RALGAPA2: variants seen among roughly 807,000 people sequenced by gnomAD.
The protein encoded by RALGAPA2 is ral GTPase-activating protein subunit alpha-2.
In RALGAPA2, 139 loss-of-function variants were observed where a neutral mutation model predicts 230.4. That is an observed-to-expected ratio of 0.60 (90% CI 0.53 to 0.69). The LOEUF is 0.69. Ranked by LOEUF, RALGAPA2 falls within the 30% of genes least tolerant of loss-of-function variation. The probability of loss-of-function intolerance (pLI) is 0.00; values close to 1 mark genes in which losing one functional copy is unlikely to be tolerated. For synonymous variants in RALGAPA2, 847 were observed against 837.8 expected (o/e 1.01, Z -0.19); for missense variants, 2,163 against 2,276.0 (o/e 0.95, Z 1.01).
intron 24 of RALGAPA2, among the ~76,000 whole-genome samples, chr20:20,537,267 T>G (rs1262063009): frequency 6.6e-6 from 1 of 152,176 alleles, no homozygotes; most frequent in Non-Finnish European, 1.5e-5. Flanking sequence ...AATGAGATAC[T>G]ATATCACTAT....
rs746862945 is a variant in RALGAPA2 at position 20,512,697 on chromosome 20, T to G, written c.4672A>C (p.Lys1558Gln). ...CGCAAAATGACCTCAATGATTTCCT[T>G]CTCTTGGTCATAGTTCATGCCACAT... ...TPCGMNYDQEKEIIEVILRQN... is the reference protein window; with the variant it reads ...TPCGMNYDQEQEIIEVILRQN... Residue 1558 changes from lysine (K) to glutamine (Q), a missense_variant, in exon 32 of 40, where the codon AAG (lysine) becomes CAG (glutamine). Lys to Gln is a moderately conservative substitution (Grantham distance 53, BLOSUM62 1). Transcript: ENST00000202677. 1.2e-6 allele frequency: 2 copies of G among 1,614,002 alleles called. No individual in the cohort carries two copies. The highest frequency in any genetic ancestry group is 1.7e-6 in the Non-Finnish European group (2 of 1,179,886).
chr20:20,513,436 T>G (rs1251779854), intron 31 of RALGAPA2, among the ~76,000 whole-genome samples, 152 bp from the exon 32 acceptor site: 1 of 151,912 alleles, frequency 6.6e-6, no homozygotes, highest in Non-Finnish European at 1.5e-5. Context: ...AGCAAGATAG[T>G]GCAAAAAGAT....
At chr20:20,453,996 T>C (rs1486830726) in intron 37 of RALGAPA2, among the ~76,000 whole-genome samples, 1 of 152,208 alleles carries the variant, frequency 6.6e-6, no homozygotes, top group Non-Finnish European at 1.5e-5. Context: ...CAGCAAGAAA[T>C]GCACCTTGCA....
chr20:20,455,308 C>T (rs548724101), intron 37 of RALGAPA2, among the ~76,000 whole-genome samples: 2 of 152,356 alleles, frequency 1.3e-5, no homozygotes, highest in South Asian at 2.1e-4. Flanking sequence ...GCTCAAGTAT[C>T]GATCTGCTCT....
intron 16 of RALGAPA2, among the ~76,000 whole-genome samples, chr20:20,598,090 A>T (rs914295613): frequency 6.6e-6 from 1 of 152,226 alleles, no homozygotes; most frequent in Non-Finnish European, 1.5e-5. Flanking sequence ...CTGTGTGTAA[A>T]TCACACATGG....
rs77655079 is a variant in RALGAPA2 at position 20,502,611 on chromosome 20, C to T, written c.5208+740G>A. Reference sequence around the variant, plus strand: ...GGCTATAACCACCACAGTAGACTCCCCAGTGGCCAGCTTTGGTCAGCACGT... The same window carrying T: ...GGCTATAACCACCACAGTAGACTCCTCAGTGGCCAGCTTTGGTCAGCACGT... On this transcript the variant is annotated intron_variant, in intron 35 of 39. Transcript: ENST00000202677. Among the ~76,000 whole-genome samples the T allele has an allele frequency of 6.7e-3, 1,024 of 152,304 alleles. 11 individuals carry two copies. Among genetic ancestry groups the T allele is most frequent in the African/African-American group, 0.023 (975 of 41,562 alleles).
At chr20:20,473,444 T>A (rs2061582203) in intron 36 of RALGAPA2, among the ~76,000 whole-genome samples, 1 of 152,148 alleles carries the variant, frequency 6.6e-6, no homozygotes, top group African/African-American at 2.4e-5. Context: ...CTTCTCGACC[T>A]TTTCCCCCTC....
rs576792974 is a variant in RALGAPA2, at chr20:20,712,603, TGCCGCCGCCGCCGCC to T, written c.-138_-124del. ...CACTCGCCGCCCCCAGCCCCGCTGC[TGCCGCCGCCGCCGCC>T]GCCGCCGCCGCCTCAGCTGTGTCTC... On this transcript the variant is annotated 5_prime_UTR_variant, in exon 1 of 40. Coordinates refer to ENST00000202677, the MANE Select transcript of RALGAPA2 (RefSeq NM_020343.4). This position sits in a 1 kb window ranked among gnomAD's most constrained non-coding sequence, Gnocchi z 5.5. 8 of 1,179,258 alleles carry T rather than the reference TGCCGCCGCCGCCGCC, an allele frequency of 6.8e-6. No individual in the cohort carries two copies. Among genetic ancestry groups the T allele is most frequent in the Non-Finnish European group, 8.5e-6 (8 of 944,384 alleles). 73.0% of individuals were successfully genotyped at this position (1,179,258 alleles called of 1,614,324 possible).
At chr20:20,566,825 A>T (rs2064442634) in intron 23 of RALGAPA2, among the ~76,000 whole-genome samples, 1 of 152,218 alleles carries the variant, frequency 6.6e-6, no homozygotes. Flanking sequence ...ACACTTTATC[A>T]CACTCTATTA....
intron 3 of RALGAPA2, among the ~76,000 whole-genome samples, chr20:20,673,673 G>A (rs553040892): frequency 6.6e-6 from 1 of 152,074 alleles, no homozygotes; most frequent in African/African-American, 2.4e-5. Context: ...AGTAAAAAAA[G>A]CACCCCAGTT....
At chr20:20,652,045 T>C (rs934820455) in intron 4 of RALGAPA2, among the ~76,000 whole-genome samples, 4 of 152,250 alleles carry the variant, frequency 2.6e-5, no homozygotes, top group African/African-American at 9.6e-5. Context: ...ATTTGAAATA[T>C]TTAAAGATAA....
chr20:20,511,168 G>A (rs1356889307), intron 33 of RALGAPA2, 86 bp downstream of exon 33: 4 of 1,522,984 alleles, frequency 2.6e-6, no homozygotes, highest in Non-Finnish European at 3.5e-6. Flanking sequence ...GTCTCAGTAA[G>A]TCTATTCATT....
chr20:20,647,233 A>G (rs977841680), intron 4 of RALGAPA2, among the ~76,000 whole-genome samples: 5 of 152,182 alleles, frequency 3.3e-5, no homozygotes, highest in African/African-American at 1.2e-4. Context: ...TTTCTTATTT[A>G]GTTTTAATTT....
chr20:20,452,406 T>C (rs2061007269), intron 37 of RALGAPA2, among the ~76,000 whole-genome samples: 1 of 152,210 alleles, frequency 6.6e-6, no homozygotes. Context: ...CAGAAGAGTT[T>C]TGCATCTTGT....
At chr20:20,659,885 A>G in intron 3 of RALGAPA2, 1 of 474,254 alleles carries the variant, frequency 2.1e-6, no homozygotes, top group South Asian at 1.7e-5. Flanking sequence ...CAGTACAACT[A>G]CACTTTCTGG....
chr20:20,483,804 T>C (rs1288351498), intron 36 of RALGAPA2, among the ~76,000 whole-genome samples: 1 of 151,896 alleles, frequency 6.6e-6, no homozygotes, highest in Non-Finnish European at 1.5e-5. Context: ...TAACGAATAA[T>C]GAGAGAATCA....
At chr20:20,443,383 A>G (rs2060783858) in intron 37 of RALGAPA2, among the ~76,000 whole-genome samples, 2 of 152,186 alleles carry the variant, frequency 1.3e-5, no homozygotes, top group South Asian at 4.1e-4. Flanking sequence ...CTCTTCTGAC[A>G]TTGCATCATT....
intron 20 of RALGAPA2, among the ~76,000 whole-genome samples, chr20:20,581,024 A>G (rs1568605720): frequency 6.6e-6 from 1 of 152,200 alleles, no homozygotes; most frequent in Non-Finnish European, 1.5e-5. Context: ...ATAATCCTTA[A>G]GCCTTATCAC....
chr20:20,611,430 G>T lies in RALGAPA2; in HGVS notation c.1689-4C>A, dbSNP rs2065972270. 1 of 1,607,860 alleles carries T rather than the reference G, an allele frequency of 6.2e-7. No homozygotes were observed. On this transcript the variant is annotated splice_polypyrimidine_tract_variant and splice_region_variant and intron_variant, in intron 13 of 39. Transcript: ENST00000202677. ...TAGTATTTGCAACATCTGTTCCCTG[G>T]GCCACCCAAAATAAAAGCTCATATT...
Sources: allele counts gnomAD v4.1 joint callset (sites outside exome capture counted in the v4.1 genomes callset), GRCh38; gene constraint gnomAD v4.1.1; non-coding constraint Gnocchi (gnomAD v3.1); transcripts MANE v1.5; gene names NCBI Gene and HGNC (gene_info 2026-07-23, HGNC 2026-07-21).